Variants in EBF2 observed in about 807,000 individuals in gnomAD.
EBF2 encodes EBF transcription factor 2.
Under a neutral mutation model 72.8 loss-of-function variants are expected in EBF2, and 21 were observed. The ratio of observed to expected loss-of-function variants is 0.29; its 90% CI spans 0.20 to 0.42. The LOEUF is 0.42. EBF2 is among the 10% of genes least tolerant of loss of function. The pLI is 1.00. For synonymous variants in EBF2, 299 were observed against 274.2 expected (o/e 1.09, Z -0.89); for missense variants, 637 against 731.2 (o/e 0.87, Z 1.49).
chr8:25,998,551 T>C (rs1804673359), intron 6 of EBF2, among the ~76,000 whole-genome samples: 1 of 152,228 alleles, frequency 6.6e-6, no homozygotes, highest in East Asian at 1.9e-4. Flanking sequence ...GATCCTTCCA[T>C]GTAAACTCCA....
At chr8:25,951,124 CAATTA>C (rs1403537410) in intron 6 of EBF2, among the ~76,000 whole-genome samples, 2 of 152,122 alleles carry the variant, frequency 1.3e-5, no homozygotes, top group Non-Finnish European at 2.9e-5. Flanking sequence ...TTTTTCCAGG[CAATTA>C]AATTAGCCAG....
chr8:25,902,538 AATCT>A (rs1188152045), intron 7 of EBF2, among the ~76,000 whole-genome samples: 2 of 151,964 alleles, frequency 1.3e-5, no homozygotes, highest in African/African-American at 2.4e-5. Context: ...TTTAATAATT[AATCT>A]ATTTATTTAA....
intron 5 of EBF2, among the ~76,000 whole-genome samples, chr8:26,033,745 TTAAAA>T (rs78557218): frequency 0.16 from 15,138 of 97,498 alleles, 800 homozygotes; most frequent in Admixed American, 0.25. Flanking sequence ...TCCCCTGAAC[TTAAAA>T]TAAAAGTTGA....
At chr8:26,032,972 T>G in intron 6 of EBF2, 113 bp downstream of exon 6, 4 of 1,026,214 alleles carry the variant, frequency 3.9e-6, no homozygotes, top group Non-Finnish European at 6.0e-6. Context: ...GCTTAGTGAC[T>G]TGAAATAACA....
chr8:25,977,522 T>G (rs1194112644), intron 6 of EBF2, among the ~76,000 whole-genome samples: 3 of 152,156 alleles, frequency 2.0e-5, no homozygotes, highest in Non-Finnish European at 4.4e-5. Context: ...CCAGCTATGT[T>G]CTGACCACGA....
At position 25,960,537 on chromosome 8, in the gene EBF2, G is replaced by T. The variant is rs561075844; in HGVS notation, c.552-51982C>A. 8.5e-5 allele frequency among the ~76,000 whole-genome samples: 13 copies of T among 152,264 alleles called. 1 individual carries two copies. In the East Asian group the frequency reaches 1.7e-3, roughly 20 times the overall value. On this transcript the variant is annotated intron_variant, in intron 6 of 15. Transcript: ENST00000520164. ...GATTAAAATTGTAGAGGCGCCATTG[G>T]TTACATCAACAATCAATATGGGCCC...
chr8:25,845,208 A>G (rs1295292642), intron 15 of EBF2, among the ~76,000 whole-genome samples: 3 of 152,116 alleles, frequency 2.0e-5, no homozygotes, highest in Non-Finnish European at 2.9e-5. Context: ...GATCACTGGA[A>G]TAGAAGACTT....
Position 26,042,262 on chromosome 8 carries a change from A to G in EBF2, c.132-11T>C, listed in dbSNP as rs780565596. ...GACAGGGCGACCCCGCTGCACAGGGAGAAAAACGGGGGAACACAAGACACG... is the reference window on the plus strand; with the variant it reads ...GACAGGGCGACCCCGCTGCACAGGGGGAAAAACGGGGGAACACAAGACACG... On this transcript the variant is annotated splice_polypyrimidine_tract_variant and intron_variant, in intron 1 of 15. Transcript: ENST00000520164. 6.2e-7 allele frequency: 1 copy of G among 1,609,542 alleles called. No homozygotes were observed. The highest frequency in any genetic ancestry group is 1.7e-5 in the Admixed American group (1 of 58,928).
chr8:26,040,936 C>T lies in EBF2; in HGVS notation c.352+3G>A. On this transcript the variant is annotated splice_donor_region_variant and intron_variant, in intron 3 of 15. Coordinates refer to ENST00000520164, the MANE Select transcript of EBF2 (RefSeq NM_022659.4). ...GGCTCACCGTTGCTGTAGAAGAGCT[C>T]ACCGTTGCTGTAGAGGAGCTGTAAC... 2 of 1,614,158 alleles carry T rather than the reference C, an allele frequency of 1.2e-6. No homozygotes were observed. The highest frequency in any genetic ancestry group is 4.5e-5 in the East Asian group (2 of 44,878).
At chr8:25,932,695 T>C (rs1268723989) in intron 6 of EBF2, among the ~76,000 whole-genome samples, 2 of 152,092 alleles carry the variant, frequency 1.3e-5, no homozygotes, top group East Asian at 3.8e-4. Context: ...GTGGAACAGG[T>C]TTGCCGCTAA....
At chr8:25,876,808 G>C (rs1052170370) in intron 10 of EBF2, among the ~76,000 whole-genome samples, 1 of 152,120 alleles carries the variant, frequency 6.6e-6, no homozygotes, top group Non-Finnish European at 1.5e-5. Context: ...TAAGTAGCAG[G>C]ATCTCAGCTA....
chr8:25,969,328 C>T (rs975070258), intron 6 of EBF2, among the ~76,000 whole-genome samples: 1 of 152,232 alleles, frequency 6.6e-6, no homozygotes, highest in African/African-American at 2.4e-5. Context: ...ATAAAGAATT[C>T]ATCAAGCCCT....
At chr8:26,019,032 G>C (rs1265826341) in intron 6 of EBF2, among the ~76,000 whole-genome samples, 1 of 151,938 alleles carries the variant, frequency 6.6e-6, no homozygotes, top group Non-Finnish European at 1.5e-5. Context: ...CAGAGGATAG[G>C]TATGCATGAT....
intron 8 of EBF2, 130 bp downstream of exon 8, chr8:25,889,620 TTA>T: frequency 1.4e-6 from 1 of 699,736 alleles, no homozygotes; most frequent in Non-Finnish European, 2.4e-6. Context: ...ACAACTTCGT[TTA>T]AAAAAAAAAA....
In EBF2 at chr8:26,044,649, G is replaced by C; in HGVS notation, c.131+80C>G. The C allele has an allele frequency of 6.5e-7, 1 of 1,528,948 alleles. No homozygotes were observed. The highest frequency in any genetic ancestry group is 8.8e-7 in the Non-Finnish European group (1 of 1,135,546). The allele number at this position is 1,528,948 out of a possible 1,614,324, so 94.7% of individuals were successfully genotyped here. On this transcript the variant is annotated intron_variant, in intron 1 of 15. Transcript: ENST00000520164. This position sits in a 1 kb window ranked among gnomAD's most constrained non-coding sequence, Gnocchi z 4.1. ...GGGACAGGGAGAGAGAAAGGCACGG[G>C]GTGCGCGGGGGGGGTGCACACGGAG...
chr8:25,886,694 T>A, intron 10 of EBF2, 61 bp downstream of exon 10: 1 of 1,537,782 alleles, frequency 6.5e-7, no homozygotes. Context: ...GTGCAGATAC[T>A]GGGAACTAGC....
In EBF2 at chr8:25,909,558, A is replaced by C. The variant is rs117854371; in HGVS notation, c.552-1003T>G. Among the ~76,000 whole-genome samples, 625 of 152,346 alleles carry C rather than the reference A, an allele frequency of 4.1e-3. 4 individuals are homozygous for C. The highest frequency in any genetic ancestry group is 7.7e-3 in the Non-Finnish European group (524 of 68,028). On this transcript the variant is annotated intron_variant, in intron 6 of 15. Transcript: ENST00000520164. ...ATGTCTTGAATTAGAACTTTAAAGG[A>C]AAAGATATACATTTTCCTCAGGATT...
chr8:25,926,787 C>T (rs57700113), intron 6 of EBF2, among the ~76,000 whole-genome samples: 2,717 of 152,274 alleles, frequency 0.018, 83 homozygotes, highest in African/African-American at 0.061. Flanking sequence ...AAAGTACATT[C>T]GAGAGTTCTA....
intron 6 of EBF2, among the ~76,000 whole-genome samples, chr8:26,003,002 C>T (rs1804767293): frequency 6.6e-6 from 1 of 151,922 alleles, no homozygotes; most frequent in Non-Finnish European, 1.5e-5. Flanking sequence ...CAGCTCTCAT[C>T]TGGGGAAGGT....
Sources: gnomAD v4.1 joint callset for allele counts (sites outside exome capture counted in the v4.1 genomes callset) on GRCh38, gnomAD v4.1.1 for gene constraint, Gnocchi (gnomAD v3.1) non-coding constraint, MANE v1.5 for transcripts, NCBI Gene and HGNC (gene_info 2026-07-23, HGNC 2026-07-21) for gene names.